Variants in AOPEP observed in about 807,000 individuals in gnomAD.
The protein encoded by AOPEP is aminopeptidase O (putative).
In AOPEP, 77 loss-of-function variants were observed where a neutral mutation model predicts 98.1. The ratio of observed to expected loss-of-function variants is 0.78; its 90% confidence interval spans 0.65 to 0.95. AOPEP has a LOEUF of 0.95. Among genes scored for constraint, AOPEP ranks in the 40% least tolerant of loss-of-function variants. The probability of loss-of-function intolerance (pLI) is 0.00; values close to 1 mark genes in which losing one functional copy is unlikely to be tolerated. For missense variants in AOPEP, 1,024 were observed against 1,024.7 expected (o/e 1.00, Z 0.01); for synonymous variants, 346 against 365.3 (o/e 0.95, Z 0.60).
At chr9:94,829,852 C>G (rs547616086) in intron 5 of AOPEP, among the ~76,000 whole-genome samples, 3 of 152,142 alleles carry the variant, frequency 2.0e-5, no homozygotes, top group African/African-American at 7.2e-5. Flanking sequence ...TAGTTACCAT[C>G]TGACGTCATG....
At chr9:94,794,952 G>A (rs763689599) in intron 4 of AOPEP, among the ~76,000 whole-genome samples, 1 of 152,114 alleles carries the variant, frequency 6.6e-6, no homozygotes, top group Non-Finnish European at 1.5e-5. Context: ...GAAACACCAG[G>A]GTTGTTTGTT....
chr9:94,899,334 G>A (rs1055967061), intron 5 of AOPEP, among the ~76,000 whole-genome samples: 11 of 147,920 alleles, frequency 7.4e-5, no homozygotes, highest in South Asian at 6.5e-4. Flanking sequence ...ATAGGCGCCC[G>A]CCACCACGCC....
intron 11 of AOPEP, among the ~76,000 whole-genome samples, chr9:94,981,240 A>T (rs144554305): frequency 1.6e-4 from 24 of 152,328 alleles, no homozygotes; most frequent in African/African-American, 5.3e-4. Flanking sequence ...TTTCATTAAA[A>T]GAGGGAGGGG....
intron 1 of AOPEP, among the ~76,000 whole-genome samples, chr9:94,754,420 G>A (rs1836532398): frequency 6.6e-6 from 1 of 152,202 alleles, no homozygotes; most frequent in African/African-American, 2.4e-5. Flanking sequence ...TATAGAATGA[G>A]CATATGTGCA....
chr9:95,125,114 A>G, the AOPEP span: 1 of 1,614,192 alleles, frequency 6.2e-7, no homozygotes, highest in Non-Finnish European at 8.5e-7. Context: ...CAGAGCTTCT[A>G]CAAAGCACTG....
chr9:94,728,857 T>C (rs1359442078), intron 1 of AOPEP, among the ~76,000 whole-genome samples: 1 of 152,052 alleles, frequency 6.6e-6, no homozygotes, highest in African/African-American at 2.4e-5. Context: ...GAGGAAGAAA[T>C]GTGTGGAAGT....
chr9:95,107,132 G>A, the AOPEP span: 2 of 1,614,222 alleles, frequency 1.2e-6, no homozygotes, highest in Non-Finnish European at 8.5e-7. Flanking sequence ...TGAGGAGAAG[G>A]TGCCTGATCA....
chr9:94,847,944 G>T (rs185484009), intron 5 of AOPEP, among the ~76,000 whole-genome samples: 4 of 152,128 alleles, frequency 2.6e-5, no homozygotes, highest in Non-Finnish European at 2.9e-5. Flanking sequence ...AGAAATCTTG[G>T]CGATAAACCA....
At chr9:94,771,705 G>A (rs1319350063) in intron 2 of AOPEP, among the ~76,000 whole-genome samples, 1 of 151,840 alleles carries the variant, frequency 6.6e-6, no homozygotes, top group African/African-American at 2.4e-5. Context: ...GGCCCCTTCA[G>A]TGTGGTTGAG....
chr9:94,934,688 T>C (rs985366397), intron 7 of AOPEP: 1 of 152,256 alleles, frequency 6.6e-6, no homozygotes, highest in African/African-American at 2.4e-5. Flanking sequence ...TTATTTTTAA[T>C]CTTTTGAGAC....
chr9:94,756,810 T>G (rs1837161131), intron 1 of AOPEP, among the ~76,000 whole-genome samples: 1 of 152,048 alleles, frequency 6.6e-6, no homozygotes, highest in Non-Finnish European at 1.5e-5. Context: ...TTTTTCTCTC[T>G]TCCTCCAGGC....
chr9:95,059,559 G>T (rs538558777), intron 13 of AOPEP, among the ~76,000 whole-genome samples: 36 of 152,082 alleles, frequency 2.4e-4, no homozygotes, highest in African/African-American at 8.0e-4. Context: ...AGGGGGTAGG[G>T]AGGGTCAGGC....
At chr9:94,781,332 T>A (rs950483743) in intron 3 of AOPEP, among the ~76,000 whole-genome samples, 1 of 152,066 alleles carries the variant, frequency 6.6e-6, no homozygotes, top group Admixed American at 6.5e-5. Flanking sequence ...CAATATGCAT[T>A]TGTGGAATAA....
At chr9:94,822,578 G>A (rs1367080325) in intron 5 of AOPEP, among the ~76,000 whole-genome samples, 1 of 152,018 alleles carries the variant, frequency 6.6e-6, no homozygotes, top group Non-Finnish European at 1.5e-5. Flanking sequence ...CAACAGCTTT[G>A]AGTTCCGTTT....
chr9:94,819,999 A>G (rs1237387967), intron 5 of AOPEP, among the ~76,000 whole-genome samples: 4 of 135,692 alleles, frequency 2.9e-5, no homozygotes, highest in African/African-American at 1.1e-4. Context: ...AGGCTGGAGC[A>G]CAGTGGCGCA....
intron 3 of AOPEP, among the ~76,000 whole-genome samples, chr9:94,788,748 G>A (rs1441427122): frequency 6.6e-5 from 10 of 152,180 alleles, no homozygotes; most frequent in Admixed American, 6.5e-4. Flanking sequence ...CCAAATAAGG[G>A]AGGATGGCTG....
chr9:95,128,185 AG>A, the AOPEP span, among the ~76,000 whole-genome samples: 20 of 152,234 alleles, frequency 1.3e-4, no homozygotes, highest in Non-Finnish European at 2.9e-5. Flanking sequence ...ACCGGATATA[AG>A]CACGGAAAAT....
chr9:94,958,848 G>A (rs1288776883), intron 9 of AOPEP, among the ~76,000 whole-genome samples: 2 of 152,034 alleles, frequency 1.3e-5, no homozygotes, highest in Admixed American at 6.6e-5. Context: ...TCTTGATGGT[G>A]TCCTTTAGAG....
At chr9:94,902,193 C>A (rs1291977893) in intron 5 of AOPEP, among the ~76,000 whole-genome samples, 7 of 152,108 alleles carry the variant, frequency 4.6e-5, no homozygotes, top group African/African-American at 1.7e-4. Flanking sequence ...GTGAGTATGT[C>A]ATTTAATATT....
Sources: gnomAD v4.1 joint callset for allele counts (sites outside exome capture counted in the v4.1 genomes callset) on GRCh38, gnomAD v4.1.1 for gene constraint, MANE v1.5 for transcripts, NCBI Gene and HGNC (gene_info 2026-07-23, HGNC 2026-07-21) for gene names.